C1QTNF7: variants seen among roughly 807,000 people sequenced by gnomAD.
C1QTNF7 encodes C1q and TNF related 7, also known as complement C1q tumor necrosis factor-related protein 7.
In C1QTNF7, 15 loss-of-function variants were observed where a neutral mutation model predicts 19.6. The observed-to-expected ratio is 0.76, with a 90% CI of 0.51 to 1.18. The LOEUF is 1.18. Ranked by LOEUF, C1QTNF7 falls within the 50% of genes most tolerant of loss-of-function variation. The probability of loss-of-function intolerance (pLI) is 0.00; values close to 1 mark genes in which losing one functional copy is unlikely to be tolerated. For missense variants in C1QTNF7, 324 were observed against 359.7 expected (o/e 0.90, Z 0.80); for synonymous variants, 142 against 137.5 (o/e 1.03, Z -0.23).
chr4:15,340,102 T>A, exon 1 of C1QTNF7: 1 of 1,397,748 alleles, frequency 7.2e-7, no homozygotes, highest in Non-Finnish European at 9.9e-7. Context: ...AATAAACACA[T>A]ATTTCTGCTT....
At chr4:15,422,200 T>TG (rs1491583435) in intron 1 of C1QTNF7, among the ~76,000 whole-genome samples, 41 of 67,902 alleles carry the variant, frequency 6.0e-4, no homozygotes, top group East Asian at 5.8e-4. Flanking sequence ...CTAATAAACC[T>TG]GTTTTTTTTT....
rs1560337704 is a variant in C1QTNF7, at chr4:15,350,346, G to GAGAA, written c.13+10139_13+10140insAGAA. The stretch of plus-strand genomic sequence containing the variant: ...AAGGAGGAAAGAAAGGAGGGAGGGA[G>GAGAA]GGAGGGAGGGAGGAAGGAAAAAAGA... On this transcript the variant is annotated intron_variant, in intron 1 of 2. Transcript: ENST00000295297. 3.6e-4 allele frequency among the ~76,000 whole-genome samples: 36 copies of GAGAA among 99,376 alleles called. 3 individuals carry two copies. Among genetic ancestry groups the GAGAA allele is most frequent in the African/African-American group, 1.6e-3 (32 of 19,760 alleles). The allele number at this position is 99,376 out of a possible 152,430, so 65.2% of individuals were successfully genotyped here. A position where few individuals can be genotyped will look rare whatever the true frequency, so the allele number is the denominator to read the frequency against.
chr4:15,429,659 C>T (rs1712220205), intron 1 of C1QTNF7, among the ~76,000 whole-genome samples: 2 of 152,094 alleles, frequency 1.3e-5, no homozygotes, highest in Admixed American at 1.3e-4. Context: ...GGGTTGCTTC[C>T]ACCTTTTGCC....
intron 1 of C1QTNF7, among the ~76,000 whole-genome samples, chr4:15,418,154 TC>T (rs1433249459): frequency 2.0e-5 from 3 of 152,134 alleles, no homozygotes; most frequent in African/African-American, 4.8e-5. Context: ...TCTCTCGTTA[TC>T]CTTTGTAGCC....
At chr4:15,350,107 GAGGC>G (rs1301791538) in intron 1 of C1QTNF7, among the ~76,000 whole-genome samples, 1 of 117,632 alleles carries the variant, frequency 8.5e-6, no homozygotes, top group Non-Finnish European at 1.7e-5. Flanking sequence ...GAGAGGAAGG[GAGGC>G]AGGCAGGCAA....
At chr4:15,391,784 TG>T (rs891490378) in intron 1 of C1QTNF7, among the ~76,000 whole-genome samples, 137 of 152,262 alleles carry the variant, frequency 9.0e-4, no homozygotes, top group African/African-American at 3.0e-3. Context: ...GCTTTATCAA[TG>T]GGGTGGGACT....
At chr4:15,373,092 T>C (rs965522091) in intron 1 of C1QTNF7, among the ~76,000 whole-genome samples, 1 of 152,182 alleles carries the variant, frequency 6.6e-6, no homozygotes, top group African/African-American at 2.4e-5. Context: ...GACTAAGTAA[T>C]TTATAAACAA....
chr4:15,349,079 A>T (rs1314007296), intron 1 of C1QTNF7, among the ~76,000 whole-genome samples: 1 of 152,230 alleles, frequency 6.6e-6, no homozygotes. Context: ...TACATAAAAG[A>T]ATATGTAATC....
At chr4:15,348,051 G>T (rs1436507495) in intron 1 of C1QTNF7, among the ~76,000 whole-genome samples, 2 of 152,126 alleles carry the variant, frequency 1.3e-5, no homozygotes, top group East Asian at 3.9e-4. Context: ...AGTATTAAAT[G>T]AGATATATTT....
At chr4:15,398,184 AG>A (rs1416625249) in intron 1 of C1QTNF7, among the ~76,000 whole-genome samples, 1 of 152,170 alleles carries the variant, frequency 6.6e-6, no homozygotes, top group African/African-American at 2.4e-5. Flanking sequence ...ATATGGCCCT[AG>A]GTCAAAAGGA....
intron 1 of C1QTNF7, among the ~76,000 whole-genome samples, chr4:15,354,247 C>A (rs908118322): frequency 6.6e-6 from 1 of 152,080 alleles, no homozygotes; most frequent in African/African-American, 2.4e-5. Context: ...TGCCAAGTAG[C>A]CCTGTTTGGT....
At chr4:15,394,532 AGGT>A (rs571079120) in intron 1 of C1QTNF7, among the ~76,000 whole-genome samples, 37 of 152,384 alleles carry the variant, frequency 2.4e-4, no homozygotes, top group Non-Finnish European at 4.1e-4. Flanking sequence ...AGTCTCAAAA[AGGT>A]GGAAGAATGC....
chr4:15,424,942 T>TC (rs1359452750), upstream of C1QTNF7, among the ~76,000 whole-genome samples: 2 of 152,288 alleles, frequency 1.3e-5, no homozygotes, highest in East Asian at 3.9e-4. Context: ...TAAATATCTC[T>TC]CTTCCTCACT....
intron 1 of C1QTNF7, among the ~76,000 whole-genome samples, chr4:15,418,747 T>C (rs1711584487): frequency 6.6e-6 from 1 of 152,218 alleles, no homozygotes; most frequent in South Asian, 2.1e-4. Context: ...AGGCAAGTTA[T>C]TTACCTCTTC....
intron 1 of C1QTNF7, among the ~76,000 whole-genome samples, chr4:15,344,947 G>A (rs1716667070): frequency 6.6e-6 from 1 of 152,208 alleles, no homozygotes; most frequent in Non-Finnish European, 1.5e-5. Flanking sequence ...GTGAATGGTA[G>A]TTATTCATTA....
intron 1 of C1QTNF7, among the ~76,000 whole-genome samples, chr4:15,432,099 G>C (rs1712337418): frequency 2.0e-5 from 3 of 152,146 alleles, no homozygotes; most frequent in Non-Finnish European, 4.4e-5. Context: ...CTAAGGCAGG[G>C]CACACCTAGT....
At chr4:15,420,143 C>T (rs189470707) in intron 1 of C1QTNF7, 8 of 152,562 alleles carry the variant, frequency 5.2e-5, no homozygotes, top group Admixed American at 3.9e-4. Flanking sequence ...CACCCCCCAT[C>T]CTTCTTCCTC....
chr4:15,420,907 A>C (rs934705830), intron 1 of C1QTNF7, among the ~76,000 whole-genome samples: 6 of 119,414 alleles, frequency 5.0e-5, no homozygotes, highest in Non-Finnish European at 9.6e-5. Context: ...TCATTGTTGG[A>C]TTTCCCAGCT....
intron 1 of C1QTNF7, among the ~76,000 whole-genome samples, chr4:15,372,501 T>C (rs570306277): frequency 2.0e-4 from 31 of 152,326 alleles, no homozygotes; most frequent in African/African-American, 7.2e-4. Context: ...ACCCAGTCTA[T>C]GGTATTTTGT....
Sources: gnomAD v4.1 joint callset for allele counts (sites outside exome capture counted in the v4.1 genomes callset) on GRCh38, gnomAD v4.1.1 for gene constraint, MANE v1.5 for transcripts, NCBI Gene and HGNC (gene_info 2026-07-23, HGNC 2026-07-21) for gene names.